ALDH1L2: variants seen among roughly 807,000 people sequenced by gnomAD.
ALDH1L2 encodes aldehyde dehydrogenase 1 family member L2, also known as mitochondrial 10-formyltetrahydrofolate dehydrogenase.
ALDH1L2 carries 91 observed loss-of-function variants against 111.0 expected under a neutral mutation model. The observed-to-expected ratio is 0.82, with a 90% CI of 0.69 to 0.98. The LOEUF (loss-of-function observed/expected upper bound fraction) is 0.98, where lower values mean the gene tolerates loss of function less well. Among genes scored for constraint, ALDH1L2 ranks in the 50% least tolerant of loss-of-function variants. The probability of loss-of-function intolerance (pLI) is 0.00; values close to 1 mark genes in which losing one functional copy is unlikely to be tolerated. For missense variants in ALDH1L2, 995 were observed against 1,126.8 expected, an observed-to-expected ratio of 0.88 and a Z score of 1.67; for synonymous variants, 374 against 392.6, an observed-to-expected ratio of 0.95 and a Z score of 0.56.
chr12:105,050,182 T>C lies in ALDH1L2; in HGVS notation c.1536-124A>G, dbSNP rs1565959404. Reference sequence around the variant, plus strand: ...CATATGGATCAGATCTCTGCCCTTATAGAGATCATGGTCCAGTAGGCAAGA... The same window carrying C: ...CATATGGATCAGATCTCTGCCCTTACAGAGATCATGGTCCAGTAGGCAAGA... On this transcript the variant is annotated intron_variant, in intron 12 of 22. Coordinates refer to ENST00000258494, the MANE Select transcript of ALDH1L2 (RefSeq NM_001034173.4). 5 of 912,574 alleles carry C rather than the reference T, an allele frequency of 5.5e-6. No individual in the cohort carries two copies. In the South Asian group the frequency reaches 9.1e-5, roughly 17 times the overall value. 56.5% of individuals were successfully genotyped at this position (912,574 alleles called of 1,614,324 possible). A position where few individuals can be genotyped will look rare whatever the true frequency, so the allele number is the denominator to read the frequency against.
At chr12:105,064,689 AGTCT>A (rs1332354971) in intron 6 of ALDH1L2, among the ~76,000 whole-genome samples, 11 of 152,182 alleles carry the variant, frequency 7.2e-5, no homozygotes, top group African/African-American at 2.7e-4. Flanking sequence ...AGACCCTGCC[AGTCT>A]GGGCATGTGA....
intron 1 of ALDH1L2, among the ~76,000 whole-genome samples, chr12:105,077,958 C>T (rs1878149075): frequency 6.6e-6 from 1 of 152,166 alleles, no homozygotes. Context: ...TCCTGAGACC[C>T]TGAGGTGCCT....
At chr12:105,037,360 A>C (rs559864505) in intron 18 of ALDH1L2, among the ~76,000 whole-genome samples, 3 of 152,212 alleles carry the variant, frequency 2.0e-5, no homozygotes, top group African/African-American at 7.2e-5. Context: ...ACCATAGTAC[A>C]TTGTTAAAAC....
At chr12:105,079,595 G>A (rs996323877) in intron 1 of ALDH1L2, among the ~76,000 whole-genome samples, 1 of 152,024 alleles carries the variant, frequency 6.6e-6, no homozygotes, top group South Asian at 2.1e-4. Context: ...CAGTCCAAAG[G>A]GCTCGAGTCC....
At chr12:105,044,452 A>G (rs1431778364) in intron 15 of ALDH1L2, among the ~76,000 whole-genome samples, 1 of 151,504 alleles carries the variant, frequency 6.6e-6, no homozygotes, top group Non-Finnish European at 1.5e-5. Flanking sequence ...AGTGGGGCCC[A>G]ATATCAGCAT....
intron 2 of ALDH1L2, among the ~76,000 whole-genome samples, chr12:105,071,239 G>A (rs1877665860): frequency 6.6e-6 from 1 of 152,154 alleles, no homozygotes. Context: ...TCGTAGACCA[G>A]AACACATTCT....
rs1877284906 is a variant in ALDH1L2 at position 105,065,322 on chromosome 12, T to C, written c.731A>G (p.Asn244Ser). Reference protein sequence around the residue: ...SWDQSAEVLHNWIRGHDKVPG... With the variant: ...SWDQSAEVLHSWIRGHDKVPG... ...GACTTTATCATGACCTCGAATCCAGTTATGTAAAACTTCGGCAGACTGGTC... is the reference window on the plus strand; with the variant it reads ...GACTTTATCATGACCTCGAATCCAGCTATGTAAAACTTCGGCAGACTGGTC... The change falls in exon 6 of 23, where the codon AAC becomes AGC. Residue 244 changes from asparagine (N) to serine (S), a missense_variant. Physicochemically the swap from Asn to Ser is conservative, Grantham distance 46. Coordinates refer to ENST00000258494, the MANE Select transcript of ALDH1L2 (RefSeq NM_001034173.4). The C allele has an allele frequency of 6.2e-7, 1 of 1,609,756 alleles. No individual in the cohort carries two copies. The highest frequency in any genetic ancestry group is 1.3e-5 in the African/African-American group (1 of 74,760).
intron 15 of ALDH1L2, among the ~76,000 whole-genome samples, chr12:105,045,440 A>C (rs1875782463): frequency 6.6e-6 from 1 of 151,636 alleles, no homozygotes; most frequent in Admixed American, 6.6e-5. Flanking sequence ...CACATATATA[A>C]TACTATATAT....
rs770072453 is a variant in ALDH1L2 at position 105,038,227 on chromosome 12, A to AGCATTTAGT, written c.2046-34_2046-26dup. The AGCATTTAGT allele has an allele frequency of 6.4e-5, 98 of 1,536,384 alleles. No individual in the cohort carries two copies. In the African/African-American group the frequency reaches 1.3e-3, roughly 20 times the overall value. On this transcript the variant is annotated intron_variant, in intron 17 of 22. Coordinates refer to ENST00000258494, the MANE Select transcript of ALDH1L2 (RefSeq NM_001034173.4). Reference sequence around the variant, plus strand: ...GCTAGAGGAAAACAAATGAGAAATGAGCATTTAGTTAACATCTCTCTCTCT... The same window carrying AGCATTTAGT: ...GCTAGAGGAAAACAAATGAGAAATGAGCATTTAGTGCATTTAGTTAACATCTCTCTCTCT...
At chr12:105,061,134 G>GC in intron 8 of ALDH1L2, 62 bp from the exon 9 acceptor site, 1 of 1,420,698 alleles carries the variant, frequency 7.0e-7, no homozygotes, top group South Asian at 1.2e-5. Context: ...CAGAGACTGG[G>GC]CTAGCTCTTC....
At chr12:105,061,846 TAA>T in intron 7 of ALDH1L2, 94 bp from the exon 8 acceptor site, 1 of 1,417,176 alleles carries the variant, frequency 7.1e-7, no homozygotes, top group East Asian at 2.3e-5. Flanking sequence ...TATATGCATA[TAA>T]GGGCAAGTTT....
intron 16 of ALDH1L2, among the ~76,000 whole-genome samples, chr12:105,040,125 C>CAAAAAAA (rs11284250): frequency 1.7e-5 from 1 of 59,096 alleles, no homozygotes; most frequent in Non-Finnish European, 3.0e-5. Flanking sequence ...GACTCCGTCT[C>CAAAAAAA]AAAAAAAAAA....
intron 4 of ALDH1L2, among the ~76,000 whole-genome samples, chr12:105,067,447 AT>A (rs1877439424): frequency 6.6e-6 from 1 of 152,146 alleles, no homozygotes; most frequent in Non-Finnish European, 1.5e-5. Flanking sequence ...TTTATGAGTT[AT>A]TTTACTCATC....
rs757103137 is a variant in ALDH1L2, at chr12:105,040,655, C to T, written c.1903G>A (p.Val635Met). ...LTALKFAELS[V>M]KAGFPKGVIN... is the part of the protein sequence containing the mutation. ...ACCCCCTTTGGAAAGCCTGCTTTCA[C>T]AGACAGTTCTGCAAACTTCAAAGCA... Residue 635 changes from valine to methionine, a missense_variant, in exon 16 of 23, where the codon GTG becomes ATG. Val to Met is a conservative substitution (Grantham distance 21). Transcript: ENST00000258494. The T allele has an allele frequency of 1.9e-6, 3 of 1,614,048 alleles. No homozygotes were observed. The highest frequency in any genetic ancestry group is 1.1e-5 in the South Asian group (1 of 91,092).
chr12:105,057,343 A>C (rs1307738857), intron 10 of ALDH1L2, among the ~76,000 whole-genome samples: 1 of 152,174 alleles, frequency 6.6e-6, no homozygotes, highest in Non-Finnish European at 1.5e-5. Context: ...TTCGGAAAAC[A>C]GTTTGGCAGT....
intron 10 of ALDH1L2, among the ~76,000 whole-genome samples, chr12:105,056,783 T>C (rs1025874678): frequency 6.7e-6 from 1 of 148,888 alleles, no homozygotes; most frequent in African/African-American, 2.5e-5. Flanking sequence ...TACAGTTAAA[T>C]TAAAAATAAG....
chr12:105,075,359 T>C (rs904659533), intron 1 of ALDH1L2, among the ~76,000 whole-genome samples: 2 of 151,874 alleles, frequency 1.3e-5, no homozygotes, highest in African/African-American at 4.8e-5. Flanking sequence ...CTGAGGCGGG[T>C]GAATCACCTG....
chr12:105,075,670 A>G (rs2136112060), intron 1 of ALDH1L2, among the ~76,000 whole-genome samples: 1 of 152,362 alleles, frequency 6.6e-6, no homozygotes, highest in East Asian at 1.9e-4. Context: ...CTTTACACTG[A>G]AGCTGAAGCT....
chr12:105,032,888 C>G (rs1874785124), intron 19 of ALDH1L2, among the ~76,000 whole-genome samples: 1 of 152,036 alleles, frequency 6.6e-6, no homozygotes, highest in African/African-American at 2.4e-5. Flanking sequence ...TAAAATTCTC[C>G]TGGTGTAGCC....
Sources: allele counts gnomAD v4.1 joint callset (sites outside exome capture counted in the v4.1 genomes callset), GRCh38; gene constraint gnomAD v4.1.1; transcripts MANE v1.5; gene names NCBI Gene and HGNC (gene_info 2026-07-23, HGNC 2026-07-21).